The following WRAP73 variants were observed in gnomAD, a reference collection of about 807,000 sequenced individuals.
WRAP73 encodes the protein WD repeat-containing protein WRAP73.
In WRAP73, 55 loss-of-function variants were observed where a neutral mutation model predicts 59.6. The observed-to-expected ratio is 0.92, with a 90% CI of 0.74 to 1.15. The LOEUF is 1.15. Ranked by LOEUF, WRAP73 falls within the 50% of genes most tolerant of loss-of-function variation. The pLI is 0.00. For synonymous variants in WRAP73, 265 were observed against 258.2 expected (o/e 1.03, Z -0.25); for missense variants, 592 against 608.1 (o/e 0.97, Z 0.28).
chr1:3,638,381 A>G (rs1644608017), intron 4 of WRAP73, among the ~76,000 whole-genome samples: 1 of 152,222 alleles, frequency 6.6e-6, no homozygotes, highest in Admixed American at 6.5e-5. Context: ...AGAAGAGAGA[A>G]AGCTCAGAAC....
chr1:3,633,222 C>A, intron 9 of WRAP73, 176 bp downstream of exon 9: 1 of 659,886 alleles, frequency 1.5e-6, no homozygotes, highest in Non-Finnish European at 2.7e-6. Flanking sequence ...CGGCCCACTG[C>A]GCAATTCAGA....
At chr1:3,647,334 G>T in intron 2 of WRAP73, 74 bp downstream of exon 2, 1 of 1,430,510 alleles carries the variant, frequency 7.0e-7, no homozygotes, top group Non-Finnish European at 9.2e-7. Flanking sequence ...AACTAGAAAG[G>T]CACAGAACAA....
chr1:3,641,598 C>T (rs1056718983), intron 3 of WRAP73, among the ~76,000 whole-genome samples: 2 of 150,218 alleles, frequency 1.3e-5, no homozygotes, highest in Non-Finnish European at 2.9e-5. Context: ...AGGTGGGAGA[C>T]GGACTGAGCA....
At chr1:3,649,895 G>T (rs775805800) in intron 1 of WRAP73, 36 bp downstream of exon 1, 7 of 1,574,866 alleles carry the variant, frequency 4.4e-6, no homozygotes, top group Non-Finnish European at 5.2e-6. Context: ...TGGCACCGAG[G>T]ATGTCCTGCC....
chr1:3,635,088 C>A lies in WRAP73; in HGVS notation c.739-14G>T. On this transcript the variant is annotated splice_polypyrimidine_tract_variant and intron_variant, in intron 7 of 11. Coordinates refer to ENST00000270708, the MANE Select transcript of WRAP73 (RefSeq NM_017818.4). ...AAGGATGCGCACCTGAGGAAGGAAA[C>A]CATGCACAGGTGAGGCAGGGCCCGG... 6.2e-7 allele frequency: 1 copy of A among 1,614,198 alleles called. No individual in the cohort carries two copies. Among genetic ancestry groups the A allele is most frequent in the African/African-American group, 1.3e-5 (1 of 75,050 alleles).
chr1:3,643,639 G>A (rs1182137407), intron 3 of WRAP73, among the ~76,000 whole-genome samples: 3 of 124,420 alleles, frequency 2.4e-5, no homozygotes, highest in Admixed American at 8.0e-5. Context: ...ATGGGGTCGC[G>A]CCTTCGGAAG....
At chr1:3,632,794 C>T (rs1644550920) in intron 9 of WRAP73, 1 of 249,926 alleles carries the variant, frequency 4.0e-6, no homozygotes, top group Non-Finnish European at 7.9e-6. Flanking sequence ...CGCCCCTGGG[C>T]TCCTGGGGAG....
chr1:3,634,936 G>C, intron 8 of WRAP73, 61 bp downstream of exon 8: 1 of 1,568,474 alleles, frequency 6.4e-7, no homozygotes, highest in Non-Finnish European at 8.8e-7. Context: ...AAGTGAAGGA[G>C]CAGTTTCCCA....
chr1:3,631,325 T>C (rs1218925746), intron 11 of WRAP73, 141 bp downstream of exon 11: 4 of 1,322,234 alleles, frequency 3.0e-6, no homozygotes, highest in Non-Finnish European at 4.2e-6. Flanking sequence ...GTGTCCGTCT[T>C]GAGGTTTACG....
rs545532627 is a variant in WRAP73 at position 3,650,019 on chromosome 1, C to T, written c.-20G>A. On this transcript the variant is annotated 5_prime_UTR_variant, in exon 1 of 12. Coordinates refer to ENST00000270708, the MANE Select transcript of WRAP73 (RefSeq NM_017818.4). ...GTTCATGGCCGCCGCCTGCCGCGGG[C>T]GCCACCCTGCGCCCGAAAACCCGCG... The T allele has an allele frequency of 5.7e-6, 9 of 1,579,024 alleles. No homozygotes were observed. In the South Asian group the frequency reaches 6.9e-5, roughly 12 times the overall value.
chr1:3,641,129 C>T (rs72857308), intron 3 of WRAP73, among the ~76,000 whole-genome samples: 9,779 of 152,268 alleles, frequency 0.064, 992 homozygotes, highest in African/African-American at 0.22. Context: ...GGAGGAGACC[C>T]GTGGGATGGG....
intron 8 of WRAP73, 118 bp downstream of exon 8, chr1:3,634,879 G>T: frequency 8.3e-7 from 1 of 1,205,874 alleles, no homozygotes; most frequent in Non-Finnish European, 1.2e-6. Flanking sequence ...GCAAGTTTAC[G>T]GTGATGGAAG....
chr1:3,647,190 C>G (rs1486471498), intron 2 of WRAP73: 1 of 538,690 alleles, frequency 1.9e-6, no homozygotes, highest in African/African-American at 2.0e-5. Context: ...GCTGTCAACA[C>G]CTCCGTTTCT....
chr1:3,638,862 TAGC>T, intron 3 of WRAP73, 40 bp from the exon 4 acceptor site: 2 of 1,609,904 alleles, frequency 1.2e-6, no homozygotes, highest in Non-Finnish European at 1.7e-6. Context: ...AACACTTCTT[TAGC>T]ATCATCAGAG....
chr1:3,631,947 T>C (rs1034962264), intron 10 of WRAP73: 8 of 1,392,578 alleles, frequency 5.7e-6, no homozygotes, highest in Non-Finnish European at 7.4e-6. Context: ...CGGGCTGCAG[T>C]GTGCCCAGCC....
chr1:3,640,162 C>T (rs1032374763), intron 3 of WRAP73, among the ~76,000 whole-genome samples: 1 of 152,234 alleles, frequency 6.6e-6, no homozygotes, highest in Admixed American at 6.5e-5. Context: ...GGAAGGGCTC[C>T]TGTGCTGATG....
intron 3 of WRAP73, among the ~76,000 whole-genome samples, chr1:3,641,499 G>A (rs188561889): frequency 1.0e-3 from 155 of 152,332 alleles, no homozygotes; most frequent in African/African-American, 3.5e-3. Flanking sequence ...GGAAGCAGAC[G>A]CACAGCTCCA....
Position 3,638,836 on chromosome 1 carries a change from G to C in WRAP73, c.340-14C>G. On this transcript the variant is annotated splice_polypyrimidine_tract_variant and intron_variant, in intron 3 of 11. Transcript: ENST00000270708. ...GGTTATCCGCAGCTGTTGGGGGAAA[G>C]GGGAAAGAGAAAGGAAACACTTCTT... 5.0e-6 allele frequency: 8 copies of C among 1,613,684 alleles called. No homozygotes were observed. The highest frequency in any genetic ancestry group is 6.8e-6 in the Non-Finnish European group (8 of 1,179,688).
intron 3 of WRAP73, 108 bp from the exon 4 acceptor site, chr1:3,638,930 G>T (rs1239805992): frequency 8.1e-7 from 1 of 1,231,484 alleles, no homozygotes; most frequent in Non-Finnish European, 1.2e-6. Context: ...CTGACTGCTG[G>T]AGTGGATCTA....
Sources: allele counts gnomAD v4.1 joint callset (sites outside exome capture counted in the v4.1 genomes callset), GRCh38; gene constraint gnomAD v4.1.1; transcripts MANE v1.5; gene names NCBI Gene and HGNC (gene_info 2026-07-23, HGNC 2026-07-21).